Variants in POT1 observed in about 807,000 individuals in gnomAD.
POT1 encodes the protein protection of telomeres protein 1.
In POT1, 47 loss-of-function variants were observed where a neutral mutation model predicts 78.5. The ratio of observed to expected loss-of-function variants is 0.60; its 90% confidence interval spans 0.47 to 0.76. POT1 has a LOEUF of 0.76. POT1 is among the 30% of genes least tolerant of loss of function. The pLI is 0.00. For missense variants in POT1, 646 were observed against 749.9 expected, an observed-to-expected ratio of 0.86 and a Z score of 1.62; for synonymous variants, 259 against 260.7, an observed-to-expected ratio of 0.99 and a Z score of 0.06.
intron 15 of POT1, among the ~76,000 whole-genome samples, chr7:124,833,437 A>G (rs1758018043): frequency 6.6e-6 from 1 of 152,216 alleles, no homozygotes; most frequent in Non-Finnish European, 1.5e-5. Flanking sequence ...AGGATGATAA[A>G]ACATATGTTA....
At chr7:124,925,207 G>T (rs995408470) in intron 2 of POT1, among the ~76,000 whole-genome samples, 5 of 151,958 alleles carry the variant, frequency 3.3e-5, no homozygotes, top group Non-Finnish European at 7.4e-5. Context: ...CTTGTATACA[G>T]AAAGCCCTCA....
At chr7:124,829,464 C>T in intron 15 of POT1, 122 bp from the exon 16 acceptor site, 2 of 626,170 alleles carry the variant, frequency 3.2e-6, no homozygotes, top group East Asian at 5.6e-5. Flanking sequence ...AAGAATACTG[C>T]ATCCCCTATA....
intron 2 of POT1, among the ~76,000 whole-genome samples, chr7:124,919,870 C>T (rs1584530106): frequency 6.6e-6 from 1 of 152,116 alleles, no homozygotes; most frequent in African/African-American, 2.4e-5. Flanking sequence ...CTACAAACTC[C>T]GTGTGCACGT....
chr7:124,879,328 T>C (rs1233910949), intron 6 of POT1, among the ~76,000 whole-genome samples: 1 of 152,008 alleles, frequency 6.6e-6, no homozygotes, highest in Non-Finnish European at 1.5e-5. Context: ...AAGCTGAAAG[T>C]GAGCTATCAG....
At chr7:124,848,611 C>A in intron 11 of POT1, 2 of 201,786 alleles carry the variant, frequency 9.9e-6, no homozygotes, top group Non-Finnish European at 2.1e-5. Context: ...TGCAATGAGC[C>A]GAGACCGTGC....
At chr7:124,910,965 C>G (rs1796876597) in intron 3 of POT1, among the ~76,000 whole-genome samples, 1 of 152,040 alleles carries the variant, frequency 6.6e-6, no homozygotes, top group South Asian at 2.1e-4. Flanking sequence ...ACTCTACCTA[C>G]ATTTACCCCA....
chr7:124,889,845 T>C (rs1796328009), intron 6 of POT1, among the ~76,000 whole-genome samples: 1 of 152,016 alleles, frequency 6.6e-6, no homozygotes, highest in African/African-American at 2.4e-5. Context: ...TTACTGCTCA[T>C]TGACAGTGCA....
chr7:124,900,812 T>C, intron 3 of POT1: 1 of 399,686 alleles, frequency 2.5e-6, no homozygotes, highest in Non-Finnish European at 5.2e-6. Context: ...TACTGTGCTT[T>C]TCCAACGGTC....
chr7:124,824,039 A>T lies in POT1; in HGVS notation c.1828T>A (p.Tyr610Asn), dbSNP rs1327415212. 6.2e-7 allele frequency: 1 copy of T among 1,608,546 alleles called. No individual in the cohort carries two copies. Among genetic ancestry groups the T allele is most frequent in the Non-Finnish European group, 8.5e-7 (1 of 1,176,592 alleles). ...YPWLECFIKS[Y>N]NVTNGTDNQI... ...TTATCTGTTCCATTTGTGACATTGT[A>T]TGACTTGATGAAGCATTCCAACCAC... is the stretch of plus-strand genomic sequence containing the variant. The change falls in exon 19 of 19, where the codon TAC (tyrosine) becomes AAC (asparagine). Residue 610 changes from tyrosine to asparagine, a missense_variant. Around this residue, in one of 2 missense-constraint regions of POT1, gnomAD observed 394 missense variants for 408.4 expected, o/e 0.96. Coordinates refer to ENST00000357628, the MANE Select transcript of POT1 (RefSeq NM_015450.3).
At chr7:124,924,492 C>A (rs1797227612) in intron 2 of POT1, among the ~76,000 whole-genome samples, 1 of 140,124 alleles carries the variant, frequency 7.1e-6, no homozygotes, top group African/African-American at 2.7e-5. Context: ...TAAAAAAATC[C>A]CAATAAAAGA....
intron 11 of POT1, among the ~76,000 whole-genome samples, chr7:124,850,041 T>C (rs1420931271): frequency 6.6e-6 from 1 of 151,930 alleles, no homozygotes; most frequent in Non-Finnish European, 1.5e-5. Flanking sequence ...TATTACAGTG[T>C]ACTTTAAAAA....
At chr7:124,870,866 A>G in intron 7 of POT1, 45 bp downstream of exon 7, 1 of 1,471,736 alleles carries the variant, frequency 6.8e-7, no homozygotes, top group Non-Finnish European at 9.1e-7. Flanking sequence ...AACAATACAG[A>G]GTTCTCTTCA....
At chr7:124,873,255 CTA>C (rs1795912562) in intron 6 of POT1, among the ~76,000 whole-genome samples, 2 of 152,252 alleles carry the variant, frequency 1.3e-5, no homozygotes, top group South Asian at 4.1e-4. Context: ...AGCTCTTCCC[CTA>C]TGTTTTCTTC....
At position 124,830,236 on chromosome 7, in the gene POT1, T is replaced by G. The variant is rs575203893; in HGVS notation, c.1506-894A>C. On this transcript the variant is annotated intron_variant, in intron 15 of 18. Transcript: ENST00000357628. ...TGTAGTACAGTTATTTTGCTTTACT[T>G]GAATACCAACATATTTTAACTATGA... is the stretch of plus-strand genomic sequence containing the variant. 2.6e-5 allele frequency among the ~76,000 whole-genome samples: 4 copies of G among 152,134 alleles called. No individual in the cohort carries two copies. The East Asian group carries it at 7.7e-4, about 29-fold the overall frequency.
chr7:124,870,820 A>G (rs908296202), intron 7 of POT1, 91 bp downstream of exon 7: 2 of 1,097,738 alleles, frequency 1.8e-6, no homozygotes, highest in Non-Finnish European at 2.4e-6. Context: ...TGTTCTAACA[A>G]AGCAACTATA....
intron 7 of POT1, among the ~76,000 whole-genome samples, chr7:124,867,545 A>G (rs543757043): frequency 6.6e-6 from 1 of 152,124 alleles, no homozygotes; most frequent in South Asian, 2.1e-4. Flanking sequence ...TTTCCCTCAA[A>G]TCTCAGCAGG....
chr7:124,925,851 C>T (rs1023568819), intron 2 of POT1, among the ~76,000 whole-genome samples: 1 of 152,018 alleles, frequency 6.6e-6, no homozygotes, highest in African/African-American at 2.4e-5. Flanking sequence ...GAACACTACA[C>T]TGGGGAGAAG....
At chr7:124,872,658 G>C (rs775037120) in intron 6 of POT1, among the ~76,000 whole-genome samples, 2 of 152,130 alleles carry the variant, frequency 1.3e-5, no homozygotes, top group Non-Finnish European at 2.9e-5. Context: ...TATATACAGG[G>C]TTCAGTACCA....
chr7:124,903,742 T>G (rs1796683739), intron 3 of POT1, among the ~76,000 whole-genome samples: 1 of 152,138 alleles, frequency 6.6e-6, no homozygotes, highest in African/African-American at 2.4e-5. Context: ...AGGAGCTAGT[T>G]TTTTGAAAAG....
Sources: gnomAD v4.1 joint callset for allele counts (sites outside exome capture counted in the v4.1 genomes callset) on GRCh38, gnomAD v4.1.1 for gene constraint, gnomAD v4.1.1 regional missense constraint, MANE v1.5 for transcripts, NCBI Gene and HGNC (gene_info 2026-07-23, HGNC 2026-07-21) for gene names.